Variants in UFC1 observed in about 807,000 individuals in gnomAD.
UFC1 encodes ubiquitin-fold modifier-conjugating enzyme 1.
A neutral mutation model predicts 28.0 loss-of-function variants in UFC1; 22 were observed. That is an observed-to-expected ratio of 0.78 (90% CI 0.56 to 1.12). The LOEUF (loss-of-function observed/expected upper bound fraction) is 1.12. Among genes scored for constraint, UFC1 ranks in the 50% most tolerant of loss-of-function variants. UFC1 has a pLI of 0.00. For missense variants in UFC1, 189 were observed against 207.8 expected (o/e 0.91, Z 0.56); for synonymous variants, 61 against 74.5 (o/e 0.82, Z 0.93).
intron 3 of UFC1, 136 bp downstream of exon 3, chr1:161,157,453 C>A: frequency 7.5e-7 from 1 of 1,328,350 alleles, no homozygotes; most frequent in Non-Finnish European, 1.1e-6. Context: ...TTGAGGCAAG[C>A]ATAAGTTATA....
rs756505883 is a variant in UFC1 at position 161,158,427 on chromosome 1, G to A, written c.439G>A (p.Ala147Thr). ...LMALGLGPWLAVEIPDLIQKG... is the reference protein window; with the variant it reads ...LMALGLGPWLTVEIPDLIQKG... ...TGTATTGCAGCTGGGTCCATGGCTG[G>A]CAGTGGAAATCCCTGATCTGATTCA... Residue 147 changes from alanine to threonine, a missense_variant, in exon 6 of 6, where the codon GCA becomes ACA. Coordinates refer to ENST00000368003, the MANE Select transcript of UFC1 (RefSeq NM_016406.4). 1 of 1,614,226 alleles carries A rather than the reference G, an allele frequency of 6.2e-7. No individual in the cohort carries two copies. The highest frequency in any genetic ancestry group is 1.1e-5 in the South Asian group (1 of 91,088).
chr1:161,154,021 T>A lies in UFC1; in HGVS notation c.24T>A (p.Arg8=). 1 of 1,613,962 alleles carries A rather than the reference T, an allele frequency of 6.2e-7. No individual in the cohort carries two copies. ...AGATGGCGGATGAAGCCACGCGACG[T>A]GTTGTGTCTGAGATCCCGGTGCTGA... MADEATR[R]VVSEIPVLKT... The change falls in exon 1 of 6, where the codon CGT becomes CGA. Residue 8 remains arginine, a synonymous_variant. Transcript: ENST00000368003.
chr1:161,156,323 G>T (rs1657502205), intron 1 of UFC1, among the ~76,000 whole-genome samples: 1 of 151,430 alleles, frequency 6.6e-6, no homozygotes, highest in Non-Finnish European at 1.5e-5. Flanking sequence ...GAGGTCAGGA[G>T]ATCGAGACCA....
chr1:161,157,419 A>G, intron 3 of UFC1, 102 bp downstream of exon 3: 1 of 1,493,584 alleles, frequency 6.7e-7, no homozygotes, highest in Non-Finnish European at 9.3e-7. Flanking sequence ...GAAAACTTTA[A>G]AAATGGGAGA....
intron 1 of UFC1, 136 bp from the exon 2 acceptor site, chr1:161,156,814 C>A: frequency 2.7e-6 from 2 of 751,768 alleles, no homozygotes; most frequent in Non-Finnish European, 4.3e-6. Context: ...TGCACTCCAG[C>A]CTGTGCGACG....
In UFC1 at chr1:161,158,541, T is replaced by C. The variant is rs1485329183; in HGVS notation, c.*49T>C. ...CAGAGGGACCTTTGATAGGCTACGATACTATTTTCCTGTGCATCACACTTA... is the reference window on the plus strand; with the variant it reads ...CAGAGGGACCTTTGATAGGCTACGACACTATTTTCCTGTGCATCACACTTA... On this transcript the variant is annotated 3_prime_UTR_variant, in exon 6 of 6. Transcript: ENST00000368003. 6.3e-7 allele frequency: 1 copy of C among 1,597,822 alleles called. No homozygotes were observed. The highest frequency in any genetic ancestry group is 8.6e-7 in the Non-Finnish European group (1 of 1,165,650).
intron 5 of UFC1, 100 bp from the exon 6 acceptor site, chr1:161,158,312 T>G: frequency 7.6e-6 from 12 of 1,573,130 alleles, no homozygotes; most frequent in Non-Finnish European, 1.0e-5. Context: ...GTGATGTCCC[T>G]TAAGCATGTT....
intron 2 of UFC1, 84 bp downstream of exon 2, chr1:161,157,101 T>C: frequency 1.3e-6 from 2 of 1,509,340 alleles, no homozygotes; most frequent in Non-Finnish European, 1.8e-6. Flanking sequence ...CTACCAAAGC[T>C]GCCCTGTCAC....
At chr1:161,155,863 G>A (rs1657491334) in intron 1 of UFC1, among the ~76,000 whole-genome samples, 1 of 152,202 alleles carries the variant, frequency 6.6e-6, no homozygotes, top group South Asian at 2.1e-4. Context: ...TGGAAATGCT[G>A]AGTTTGAAGT....
Position 161,157,017 on chromosome 1 carries a change from G to C in UFC1, c.191G>C (p.Arg64Pro), listed in dbSNP as rs778834205. 2 of 1,613,952 alleles carry C rather than the reference G, an allele frequency of 1.2e-6. No homozygotes were observed. Among genetic ancestry groups the C allele is most frequent in the African/African-American group, 1.3e-5 (1 of 74,926 alleles). Residue 64 changes from arginine (R) to proline (P), a missense_variant and splice_region_variant, in exon 2 of 6, where the codon CGG becomes CCG. By Grantham distance (103) the Arg-to-Pro change is moderately radical (BLOSUM62 -2). Transcript: ENST00000368003. Reference protein sequence around the residue: ...FRLESNKEGTRWFGKCWYIHD... With the variant: ...FRLESNKEGTPWFGKCWYIHD... ...CTGGAGTCCAACAAGGAAGGAACTCGGTAGGTAGACCCTCTTGGGAGGTGT... is the reference window on the plus strand; with the variant it reads ...CTGGAGTCCAACAAGGAAGGAACTCCGTAGGTAGACCCTCTTGGGAGGTGT...
chr1:161,158,107 T>C lies in UFC1; in HGVS notation c.333-14T>C, dbSNP rs780519411. ...ACTTTGCATGTCAACACCTTCTTCA[T>C]GTCCCTCTCATAGGGGTGGCAAAAT... On this transcript the variant is annotated splice_polypyrimidine_tract_variant and intron_variant, in intron 4 of 5. Coordinates refer to ENST00000368003, the MANE Select transcript of UFC1 (RefSeq NM_016406.4). 26 of 1,612,558 alleles carry C rather than the reference T, an allele frequency of 1.6e-5. No individual in the cohort carries two copies. In the South Asian group the frequency reaches 2.9e-4, roughly 18 times the overall value.
rs764750343 is a variant in UFC1, at chr1:161,158,397, T to C, written c.424-15T>C. 3.1e-6 allele frequency: 5 copies of C among 1,614,084 alleles called. No homozygotes were observed. In the Admixed American group the frequency reaches 8.3e-5, roughly 27 times the overall value. On this transcript the variant is annotated splice_polypyrimidine_tract_variant and intron_variant, in intron 5 of 5. Coordinates refer to ENST00000368003, the MANE Select transcript of UFC1 (RefSeq NM_016406.4). ...TGACTGGTAGTAATCTCACAGGATT[T>C]TCCTTGTATTGCAGCTGGGTCCATG...
intron 1 of UFC1, among the ~76,000 whole-genome samples, chr1:161,155,207 G>A (rs868742121): frequency 2.0e-5 from 3 of 152,184 alleles, no homozygotes; most frequent in Admixed American, 6.5e-5. Flanking sequence ...ATTCGGTCAC[G>A]GAAGGTTTCC....
intron 1 of UFC1, 120 bp downstream of exon 1, chr1:161,154,240 A>T (rs1657444631): frequency 7.4e-6 from 11 of 1,480,966 alleles, no homozygotes; most frequent in Non-Finnish European, 1.0e-5. Context: ...CCAAATTCAT[A>T]GAAATGGGAC....
rs147885155 is a variant in UFC1, at chr1:161,157,627, C to T, written c.266C>T (p.Thr89Ile). Residue 89 changes from threonine to isoleucine, a missense_variant, in exon 4 of 6, where the codon ACA (threonine) becomes ATA (isoleucine). Coordinates refer to ENST00000368003, the MANE Select transcript of UFC1 (RefSeq NM_016406.4). ...TTATAATTTCTCCAGATTCCTATCA[C>T]ATATCCTACTACTGCCCCAGAAATT... is the stretch of plus-strand genomic sequence containing the variant. ...EFDIEFDIPI[T>I]YPTTAPEIAV... The T allele has an allele frequency of 9.5e-4, 1,535 of 1,613,810 alleles. 13 individuals carry two copies. The highest frequency in any genetic ancestry group is 2.0e-4 in the Non-Finnish European group (239 of 1,179,688).
At chr1:161,157,448 G>A (rs780735274) in intron 3 of UFC1, 131 bp downstream of exon 3, 1 of 1,344,664 alleles carries the variant, frequency 7.4e-7, no homozygotes, top group Non-Finnish European at 1.1e-6. Context: ...GAGGTTTGAG[G>A]CAAGCATAAG....
At chr1:161,157,536 A>T (rs959962771) in intron 3 of UFC1, 81 bp from the exon 4 acceptor site, 1 of 1,443,290 alleles carries the variant, frequency 6.9e-7, no homozygotes, top group Non-Finnish European at 9.6e-7. Context: ...ATTTCAGTTT[A>T]ACCAAGAAAT....
chr1:161,154,709 C>A (rs1657461507), intron 1 of UFC1, among the ~76,000 whole-genome samples: 1 of 151,986 alleles, frequency 6.6e-6, no homozygotes, highest in African/African-American at 2.4e-5. Context: ...GGTCTCGATC[C>A]CCTGACCTCG....
Position 161,157,499 on chromosome 1 carries a change from T to C in UFC1, c.256-118T>C, listed in dbSNP as rs1194732046. On this transcript the variant is annotated intron_variant, in intron 3 of 5. Transcript: ENST00000368003. ...TCCACATCCAGAATCCTGGTATGGA[T>C]GTGCTCCTTGGGGAGTTTTACTTAA... The C allele has an allele frequency of 2.4e-6, 3 of 1,252,864 alleles. No homozygotes were observed. In the East Asian group the frequency reaches 7.3e-5, roughly 31 times the overall value. The allele number at this position is 1,252,864 out of a possible 1,614,324, so 77.6% of individuals were successfully genotyped here. A position where few individuals can be genotyped will look rare whatever the true frequency, so the allele number is the denominator to read the frequency against.
Sources: allele counts gnomAD v4.1 joint callset (sites outside exome capture counted in the v4.1 genomes callset), GRCh38; gene constraint gnomAD v4.1.1; transcripts MANE v1.5; gene names NCBI Gene and HGNC (gene_info 2026-07-23, HGNC 2026-07-21).